ELOVL7: variants seen among roughly 807,000 people sequenced by gnomAD.
The protein encoded by ELOVL7 is very long chain fatty acid elongase 7.
A neutral mutation model predicts 35.7 loss-of-function variants in ELOVL7; 27 were observed. The observed-to-expected ratio is 0.76, with a 90% CI of 0.56 to 1.04. The LOEUF (loss-of-function observed/expected upper bound fraction) is 1.04. Ranked by LOEUF, ELOVL7 falls within the 50% of genes least tolerant of loss-of-function variation. ELOVL7 has a pLI of 0.00. For missense variants in ELOVL7, 327 were observed against 340.8 expected, an observed-to-expected ratio of 0.96 and a Z score of 0.32; for synonymous variants, 113 against 114.6, an observed-to-expected ratio of 0.99 and a Z score of 0.09.
chr5:60,776,763 G>C (rs559255148), intron 3 of ELOVL7, among the ~76,000 whole-genome samples: 1 of 152,114 alleles, frequency 6.6e-6, no homozygotes, highest in Non-Finnish European at 1.5e-5. Context: ...ATACTTTTAA[G>C]TACTATGTTC....
At chr5:60,768,277 AAAGG>A (rs1742364977) in intron 4 of ELOVL7, among the ~76,000 whole-genome samples, 1 of 152,162 alleles carries the variant, frequency 6.6e-6, no homozygotes, top group South Asian at 2.1e-4. Context: ...GTGTACTCTT[AAAGG>A]GAACACTTGG....
intron 3 of ELOVL7, among the ~76,000 whole-genome samples, chr5:60,782,241 A>T (rs1203228254): frequency 6.6e-6 from 1 of 152,260 alleles, no homozygotes; most frequent in Non-Finnish European, 1.5e-5. Context: ...TCAAAAAGAC[A>T]AAAGATAACA....
chr5:60,757,527 A>G lies in ELOVL7; in HGVS notation c.618T>C (p.Tyr206=). 1 of 1,613,462 alleles carries G rather than the reference A, an allele frequency of 6.2e-7. No homozygotes were observed. The highest frequency in any genetic ancestry group is 8.5e-7 in the Non-Finnish European group (1 of 1,179,580). Residue 206 remains tyrosine, a synonymous_variant, in exon 8 of 9, where the codon TAT becomes TAC. Coordinates refer to ENST00000508821, the MANE Select transcript of ELOVL7 (RefSeq NM_024930.3). ...AYQKYLWWKK[Y]LTSLQLVQFV... is the part of the protein sequence containing the mutation. ...TACTCACAAGCTGTAATGATGTCAAATATTTTTTCCACCACAAATACTTCT... is the reference window on the plus strand; with the variant it reads ...TACTCACAAGCTGTAATGATGTCAAGTATTTTTTCCACCACAAATACTTCT...
intron 1 of ELOVL7, among the ~76,000 whole-genome samples, chr5:60,808,203 GA>G (rs1010875302): frequency 4.2e-5 from 6 of 143,090 alleles, no homozygotes; most frequent in East Asian, 2.0e-4. Context: ...TAAACTAATA[GA>G]AAAAAAAAAG....
intron 1 of ELOVL7, among the ~76,000 whole-genome samples, chr5:60,836,714 G>A (rs532302636): frequency 1.3e-5 from 2 of 152,032 alleles, no homozygotes; most frequent in African/African-American, 4.8e-5. Context: ...AATCACAAGC[G>A]TGCTATTAGG....
intron 2 of ELOVL7, among the ~76,000 whole-genome samples, chr5:60,789,218 T>C (rs1284971669): frequency 1.3e-5 from 2 of 152,098 alleles, no homozygotes; most frequent in African/African-American, 4.8e-5. Context: ...GTAAAAAATA[T>C]GTTCAATTCA....
At chr5:60,782,844 C>T (rs1159031606) in intron 3 of ELOVL7, among the ~76,000 whole-genome samples, 1 of 152,166 alleles carries the variant, frequency 6.6e-6, no homozygotes, top group East Asian at 1.9e-4. Context: ...TTCAGTTCAA[C>T]AGAAGAAATA....
chr5:60,786,485 G>A (rs1387452171), intron 3 of ELOVL7, among the ~76,000 whole-genome samples: 5 of 152,062 alleles, frequency 3.3e-5, no homozygotes, highest in African/African-American at 9.7e-5. Context: ...TAAACTTCTT[G>A]CTATGGCATT....
At chr5:60,829,531 A>G (rs906190448) in intron 1 of ELOVL7, among the ~76,000 whole-genome samples, 4 of 152,194 alleles carry the variant, frequency 2.6e-5, no homozygotes, top group Admixed American at 6.5e-5. Context: ...TATATTTACC[A>G]TGAAAAATAT....
intron 7 of ELOVL7, among the ~76,000 whole-genome samples, chr5:60,759,132 G>GTTTA (rs1741725263): frequency 6.6e-6 from 1 of 152,092 alleles, no homozygotes; most frequent in South Asian, 2.1e-4. Flanking sequence ...AAAATAACCT[G>GTTTA]TTTTAAATAA....
intron 3 of ELOVL7, among the ~76,000 whole-genome samples, chr5:60,782,225 C>G (rs894648684): frequency 6.6e-6 from 1 of 152,146 alleles, no homozygotes; most frequent in South Asian, 2.1e-4. Context: ...GTAAGAATGT[C>G]TGTTATCAAA....
chr5:60,784,300 C>T (rs78427426), intron 3 of ELOVL7: 7,558 of 464,850 alleles, frequency 0.016, 211 homozygotes, highest in African/African-American at 0.076. Flanking sequence ...ACTCCATCTT[C>T]TTGCAAAAAA....
chr5:60,837,680 G>T (rs543746955), intron 1 of ELOVL7, among the ~76,000 whole-genome samples: 11 of 152,248 alleles, frequency 7.2e-5, no homozygotes, highest in African/African-American at 2.6e-4. Flanking sequence ...AGTGGCTCAT[G>T]CCTGTAATCC....
chr5:60,838,887 G>A (rs1482661881), intron 1 of ELOVL7, among the ~76,000 whole-genome samples: 1 of 151,776 alleles, frequency 6.6e-6, no homozygotes, highest in Non-Finnish European at 1.5e-5. Context: ...AGCCATCTTG[G>A]TGGTGAGTGT....
At position 60,754,319 on chromosome 5, in the gene ELOVL7, T is replaced by A. The variant is rs979678619; in HGVS notation, c.*305A>T. 8 of 340,982 alleles carry A rather than the reference T, an allele frequency of 2.3e-5. No homozygotes were observed. The highest frequency in any genetic ancestry group is 4.4e-5 in the Non-Finnish European group (8 of 182,110). 21.1% of individuals were successfully genotyped at this position (340,982 alleles called of 1,614,324 possible). A position where few individuals can be genotyped will look rare whatever the true frequency, so the allele number is the denominator to read the frequency against. On this transcript the variant is annotated 3_prime_UTR_variant, in exon 9 of 9. Coordinates refer to ENST00000508821, the MANE Select transcript of ELOVL7 (RefSeq NM_024930.3). The stretch of plus-strand genomic sequence containing the variant: ...TATTGGACTTCTTTGAAGAGTACTG[T>A]ATTGCTTCATATCTTTTTTTCACTG...
At chr5:60,818,146 T>A (rs1373781000) in intron 1 of ELOVL7, among the ~76,000 whole-genome samples, 1 of 151,104 alleles carries the variant, frequency 6.6e-6, no homozygotes, top group Non-Finnish European at 1.5e-5. Flanking sequence ...GATGAAACCC[T>A]GTCTGTACTA....
chr5:60,760,286 C>A (rs1051129090), intron 7 of ELOVL7, among the ~76,000 whole-genome samples: 1 of 152,188 alleles, frequency 6.6e-6, no homozygotes, highest in African/African-American at 2.4e-5. Context: ...TTCTTCGCAT[C>A]CTCTCCAGCA....
intron 2 of ELOVL7, among the ~76,000 whole-genome samples, chr5:60,797,429 GAAAGTTTTGTCTT>G (rs1463341053): frequency 6.6e-6 from 1 of 152,202 alleles, no homozygotes; most frequent in Non-Finnish European, 1.5e-5. Context: ...AGAAAGCAAA[GAAAGTTTTGTCTT>G]AGCTTTTGGG....
At chr5:60,826,249 T>A (rs1746165603) in intron 1 of ELOVL7, among the ~76,000 whole-genome samples, 1 of 152,202 alleles carries the variant, frequency 6.6e-6, no homozygotes, top group Non-Finnish European at 1.5e-5. Context: ...TGAGTACAGT[T>A]CATTTATCCA....
Sources: gnomAD v4.1 joint callset for allele counts (sites outside exome capture counted in the v4.1 genomes callset) on GRCh38, gnomAD v4.1.1 for gene constraint, MANE v1.5 for transcripts, NCBI Gene and HGNC (gene_info 2026-07-23, HGNC 2026-07-21) for gene names.